The following L3MBTL4 variants were observed in gnomAD, a reference collection of about 807,000 sequenced individuals.
The protein encoded by L3MBTL4 is lethal(3)malignant brain tumor-like protein 4.
Under a neutral mutation model 84.5 loss-of-function variants are expected in L3MBTL4, and 70 were observed. The observed-to-expected ratio is 0.83, with a 90% CI of 0.68 to 1.01. The LOEUF is 1.01. Among genes scored for constraint, L3MBTL4 ranks in the 50% least tolerant of loss-of-function variants. The pLI is 0.00. For missense variants in L3MBTL4, 715 were observed against 754.8 expected (o/e 0.95, Z 0.62); for synonymous variants, 274 against 259.8 (o/e 1.05, Z -0.52).
chr18:6,299,522 T>A (rs2050242197), intron 4 of L3MBTL4, among the ~76,000 whole-genome samples: 1 of 152,224 alleles, frequency 6.6e-6, no homozygotes, highest in Non-Finnish European at 1.5e-5. Flanking sequence ...ATAAGTCAAA[T>A]GGCCTCTTAA....
intron 5 of L3MBTL4, among the ~76,000 whole-genome samples, chr18:6,250,031 G>A (rs964977280): frequency 1.3e-5 from 2 of 152,216 alleles, no homozygotes; most frequent in African/African-American, 2.4e-5. Context: ...AACCTGGCTA[G>A]AGGCCATGGA....
chr18:6,402,550 A>G (rs575719915), intron 1 of L3MBTL4, among the ~76,000 whole-genome samples: 1 of 152,306 alleles, frequency 6.6e-6, no homozygotes, highest in African/African-American at 2.4e-5. Context: ...CCAACTTTAG[A>G]CAACTTACTC....
chr18:6,203,012 T>G (rs1040431277), intron 12 of L3MBTL4, among the ~76,000 whole-genome samples: 14 of 152,100 alleles, frequency 9.2e-5, no homozygotes, highest in African/African-American at 3.4e-4. Flanking sequence ...TAAAATCACC[T>G]GGGAGAGCTG....
intron 16 of L3MBTL4, among the ~76,000 whole-genome samples, chr18:6,078,455 A>AG (rs1568079239): frequency 6.7e-5 from 10 of 148,966 alleles, no homozygotes; most frequent in Middle Eastern, 3.4e-3. Context: ...AAAAAAAAAA[A>AG]GGGGAAAAAA....
chr18:5,992,142 G>T (rs1236731911), intron 16 of L3MBTL4, among the ~76,000 whole-genome samples: 1 of 152,212 alleles, frequency 6.6e-6, no homozygotes, highest in Admixed American at 6.5e-5. Context: ...ATCGGTTGCA[G>T]CAACGAGGTA....
chr18:6,246,824 A>G (rs1599323468), intron 5 of L3MBTL4, among the ~76,000 whole-genome samples: 1 of 152,258 alleles, frequency 6.6e-6, no homozygotes, highest in East Asian at 1.9e-4. Flanking sequence ...GAATCGCTTG[A>G]ACCCAAGAGA....
intron 15 of L3MBTL4, among the ~76,000 whole-genome samples, chr18:6,083,558 C>T (rs546134054): frequency 1.3e-5 from 2 of 152,242 alleles, no homozygotes; most frequent in African/African-American, 4.8e-5. Flanking sequence ...ATGACTAGGC[C>T]AGTCATGAGC....
intron 16 of L3MBTL4, among the ~76,000 whole-genome samples, chr18:6,015,402 C>T (rs2054921226): frequency 6.6e-6 from 1 of 152,024 alleles, no homozygotes; most frequent in African/African-American, 2.4e-5. Flanking sequence ...CTCAGTGCCA[C>T]CCAGAGATAA....
chr18:6,108,012 C>G (rs1234859163), intron 14 of L3MBTL4, among the ~76,000 whole-genome samples: 1 of 152,142 alleles, frequency 6.6e-6, no homozygotes, highest in Non-Finnish European at 1.5e-5. Context: ...CAGGAAGGAG[C>G]TGGTCTGAAG....
At position 6,339,194 on chromosome 18, in the gene L3MBTL4, A is replaced by T. The variant is rs550530997; in HGVS notation, c.-90-27138T>A. On this transcript the variant is annotated intron_variant, in intron 1 of 18. Transcript: ENST00000317931. ...ACAACACTGCACCAACAAAGAAAAT[A>T]AAAAAATGTCCTTCAAAAGCACTTG... Among the ~76,000 whole-genome samples the T allele has an allele frequency of 5.9e-5, 9 of 152,288 alleles. 1 individual carries two copies. The highest frequency in any genetic ancestry group is 2.1e-4 in the South Asian group (1 of 4,820).
At chr18:6,058,378 T>C (rs1023932349) in intron 16 of L3MBTL4, among the ~76,000 whole-genome samples, 1 of 152,224 alleles carries the variant, frequency 6.6e-6, no homozygotes, top group African/African-American at 2.4e-5. Flanking sequence ...TTCCTCATTG[T>C]CTGTGTCTTT....
At chr18:6,166,703 C>T (rs2043677595) in intron 13 of L3MBTL4, among the ~76,000 whole-genome samples, 1 of 151,960 alleles carries the variant, frequency 6.6e-6, no homozygotes, top group African/African-American at 2.4e-5. Flanking sequence ...ACTTATAGCA[C>T]TAAATGCCCA....
chr18:5,981,974 C>CTGTGTGTGTGTGTGTG lies in L3MBTL4; in HGVS notation c.1445-12428_1445-12413dup, dbSNP rs374606293. Among the ~76,000 whole-genome samples the CTGTGTGTGTGTGTGTG allele has an allele frequency of 9.1e-3, 1,252 of 137,348 alleles. 14 individuals carry two copies. The highest frequency in any genetic ancestry group is 0.018 in the African/African-American group (655 of 36,214). The allele number at this position is 137,348 out of a possible 152,430, so 90.1% of individuals were successfully genotyped here. A position where few individuals can be genotyped will look rare whatever the true frequency, so the allele number is the denominator to read the frequency against. ...AAAGGAACAAAAAGGTTTCAATATT[C>CTGTGTGTGTGTGTGTG]TGTGTGTGTGTGTGTGTGTGTGTGT... On this transcript the variant is annotated intron_variant, in intron 16 of 18. Transcript: ENST00000317931.
chr18:6,093,685 C>A (rs2058535420), intron 14 of L3MBTL4, among the ~76,000 whole-genome samples, 157 bp from the exon 15 acceptor site: 2 of 152,136 alleles, frequency 1.3e-5, no homozygotes, highest in South Asian at 4.1e-4. Flanking sequence ...TTTCATATTG[C>A]CTTTTGAGAA....
intron 1 of L3MBTL4, among the ~76,000 whole-genome samples, chr18:6,412,436 G>C (rs1483893597): frequency 6.6e-6 from 1 of 152,150 alleles, no homozygotes; most frequent in East Asian, 1.9e-4. Context: ...CTGGAGAACA[G>C]AAAACTTAAC....
chr18:6,373,674 G>A (rs1281825195), intron 1 of L3MBTL4, among the ~76,000 whole-genome samples: 5 of 151,886 alleles, frequency 3.3e-5, no homozygotes, highest in East Asian at 1.9e-4. Flanking sequence ...ATACATCTTC[G>A]AGTGAATCAC....
At chr18:6,157,013 A>C (rs2043132184) in intron 13 of L3MBTL4, among the ~76,000 whole-genome samples, 1 of 152,242 alleles carries the variant, frequency 6.6e-6, no homozygotes, top group Admixed American at 6.5e-5. Flanking sequence ...CAGGATAAGC[A>C]CTTCAACAAG....
intron 16 of L3MBTL4, among the ~76,000 whole-genome samples, chr18:6,062,445 T>C (rs1455028318): frequency 6.6e-6 from 1 of 152,014 alleles, no homozygotes; most frequent in Non-Finnish European, 1.5e-5. Flanking sequence ...ATATGACATA[T>C]GTAGGTTCAG....
chr18:6,189,361 T>A (rs2044949040), intron 12 of L3MBTL4, among the ~76,000 whole-genome samples: 1 of 152,110 alleles, frequency 6.6e-6, no homozygotes, highest in African/African-American at 2.4e-5. Context: ...GGTCAAGAGG[T>A]GGACGAATCT....
Sources: allele counts gnomAD v4.1 joint callset (sites outside exome capture counted in the v4.1 genomes callset), GRCh38; gene constraint gnomAD v4.1.1; transcripts MANE v1.5; gene names NCBI Gene and HGNC (gene_info 2026-07-23, HGNC 2026-07-21).